Variants in ASPRV1 observed in about 807,000 individuals in gnomAD.
ASPRV1 encodes the protein aspartic peptidase retroviral like 1, also known as retroviral-like aspartic protease 1.
ASPRV1 carries 7 observed loss-of-function variants against 11.0 expected under a neutral mutation model. That is an observed-to-expected ratio of 0.64 (90% CI 0.36 to 1.20). The LOEUF is 1.20. Ranked by LOEUF, ASPRV1 falls within the 50% of genes most tolerant of loss-of-function variation. The pLI is 0.02. For synonymous variants in ASPRV1, 136 were observed against 138.4 expected, an observed-to-expected ratio of 0.98 and a Z score of 0.12; for missense variants, 299 against 320.0, an observed-to-expected ratio of 0.93 and a Z score of 0.50.
chr2:69,950,957 A>C, the ASPRV1 span, among the ~76,000 whole-genome samples: 2 of 151,800 alleles, frequency 1.3e-5, no homozygotes, highest in African/African-American at 4.8e-5. Flanking sequence ...TTACCATGTA[A>C]TCCTATTTTT....
At chr2:70,035,140 G>A in the ASPRV1 span, among the ~76,000 whole-genome samples, 13 of 152,124 alleles carry the variant, frequency 8.5e-5, no homozygotes, top group African/African-American at 1.7e-4. Flanking sequence ...CTCCTACAGC[G>A]GACCTATAAA....
the ASPRV1 span, among the ~76,000 whole-genome samples, chr2:70,066,629 C>G: frequency 0.23 from 34,490 of 151,690 alleles, 6,939 homozygotes; most frequent in African/African-American, 0.51. Flanking sequence ...ACAAGGTCTC[C>G]CTCTGTCACC....
At chr2:70,031,116 C>T in the ASPRV1 span, 2 of 152,106 alleles carry the variant, frequency 1.3e-5, no homozygotes, top group African/African-American at 4.8e-5. Flanking sequence ...TAAATCAGTA[C>T]CCCTTCTTCT....
Position 69,961,040 on chromosome 2 carries a change from C to A in ASPRV1, c.397G>T (p.Val133Phe). The change falls in exon 1 of 1, where the codon GTC (valine) becomes TTC (phenylalanine). Residue 133 changes from valine (V) to phenylalanine (F), a missense_variant. Coordinates refer to ENST00000320256, the MANE Select transcript of ASPRV1 (RefSeq NM_152792.4). The stretch of plus-strand genomic sequence containing the variant: ...CACAAGTTTGGGTGGACCACAGAGA[C>A]CTGGGCCCCAGAGTCCACCAGGAAC... Reference protein sequence around the residue: ...VRFLVDSGAQVSVVHPNLWEE... With the variant: ...VRFLVDSGAQFSVVHPNLWEE... The A allele has an allele frequency of 2.5e-6, 4 of 1,614,106 alleles. No individual in the cohort carries two copies. The highest frequency in any genetic ancestry group is 2.2e-5 in the South Asian group (2 of 91,084).
At chr2:70,013,988 A>C in the ASPRV1 span, among the ~76,000 whole-genome samples, 1 of 152,244 alleles carries the variant, frequency 6.6e-6, no homozygotes, top group Admixed American at 6.5e-5. Flanking sequence ...CCAAAATACT[A>C]ATTTTAATGT....
At chr2:69,989,436 C>T in the ASPRV1 span, among the ~76,000 whole-genome samples, 10 of 152,240 alleles carry the variant, frequency 6.6e-5, no homozygotes, top group Admixed American at 2.0e-4. Flanking sequence ...GAGGGGTGCA[C>T]GTACATGGGG....
chr2:69,990,504 G>T, the ASPRV1 span, among the ~76,000 whole-genome samples: 1 of 152,026 alleles, frequency 6.6e-6, no homozygotes, highest in Non-Finnish European at 1.5e-5. Context: ...TGTAGACAGG[G>T]TCTCACTCTG....
chr2:70,016,402 A>G, the ASPRV1 span: 4 of 152,118 alleles, frequency 2.6e-5, no homozygotes, highest in Non-Finnish European at 5.9e-5. Context: ...GCCAGGTGCA[A>G]TGTGGCTCAC....
At chr2:70,013,852 G>C in the ASPRV1 span, among the ~76,000 whole-genome samples, 3 of 152,184 alleles carry the variant, frequency 2.0e-5, no homozygotes, top group Non-Finnish European at 1.5e-5. Flanking sequence ...CTGCACTCCA[G>C]CCTGGGCAAA....
At chr2:70,059,120 T>C in the ASPRV1 span, among the ~76,000 whole-genome samples, 2,693 of 151,478 alleles carry the variant, frequency 0.018, 98 homozygotes, top group African/African-American at 0.062. Flanking sequence ...TCTCATCTCC[T>C]GACCTCGTGA....
chr2:69,966,955 C>G, the ASPRV1 span, among the ~76,000 whole-genome samples: 4 of 152,022 alleles, frequency 2.6e-5, no homozygotes, highest in African/African-American at 9.7e-5. Flanking sequence ...GAGAGAGAAA[C>G]GGAAAAACAG....
the ASPRV1 span, among the ~76,000 whole-genome samples, chr2:70,026,010 T>C: frequency 2.5e-3 from 382 of 152,340 alleles, 2 homozygotes; most frequent in African/African-American, 8.8e-3. Context: ...TCATGGGCAC[T>C]TCCCAGTCAT....
At chr2:69,939,227 G>C in the ASPRV1 span, 2 of 152,506 alleles carry the variant, frequency 1.3e-5, no homozygotes, top group Non-Finnish European at 2.9e-5. Flanking sequence ...TGTGGCACTA[G>C]CAGAGCTAGT....
the ASPRV1 span, chr2:70,049,519 GT>G: frequency 6.6e-6 from 1 of 152,018 alleles, no homozygotes; most frequent in South Asian, 2.1e-4. Flanking sequence ...TAGAGCACAT[GT>G]TTATTACCAT....
the ASPRV1 span, chr2:69,938,850 C>T: frequency 6.5e-6 from 1 of 152,956 alleles, no homozygotes; most frequent in African/African-American, 2.4e-5. Context: ...GCTCATTCCC[C>T]CGACGCGCCG....
chr2:70,009,216 A>G, the ASPRV1 span, among the ~76,000 whole-genome samples: 1 of 152,212 alleles, frequency 6.6e-6, no homozygotes, highest in African/African-American at 2.4e-5. Context: ...GAAGGGGTGC[A>G]AGAAGAGCAT....
At chr2:69,937,752 T>C in the ASPRV1 span, among the ~76,000 whole-genome samples, 415 of 152,306 alleles carry the variant, frequency 2.7e-3, 5 homozygotes, top group East Asian at 0.054. Context: ...GCAGCTGGGA[T>C]TACAGGCACA....
At chr2:69,977,182 T>A in the ASPRV1 span, among the ~76,000 whole-genome samples, 4 of 148,384 alleles carry the variant, frequency 2.7e-5, no homozygotes, top group East Asian at 2.0e-4. Context: ...TAAAAAAAAA[T>A]AAAAAATAAA....
At chr2:69,969,840 T>C in the ASPRV1 span, among the ~76,000 whole-genome samples, 1 of 151,962 alleles carries the variant, frequency 6.6e-6, no homozygotes, top group Non-Finnish European at 1.5e-5. Context: ...TCAGCTCCAG[T>C]TCCACCTTAG....
Sources: allele counts gnomAD v4.1 joint callset (sites outside exome capture counted in the v4.1 genomes callset), GRCh38; gene constraint gnomAD v4.1.1; transcripts MANE v1.5; gene names NCBI Gene and HGNC (gene_info 2026-07-23, HGNC 2026-07-21).